The following COG7 variants were observed in gnomAD, a reference collection of about 807,000 sequenced individuals.
COG7 encodes conserved oligomeric Golgi complex subunit 7.
A neutral mutation model predicts 91.5 loss-of-function variants in COG7; 49 were observed. The ratio of observed to expected loss-of-function variants is 0.54; its 90% CI spans 0.43 to 0.68. COG7 has a LOEUF of 0.68. Among genes scored for constraint, COG7 ranks in the 30% least tolerant of loss-of-function variants. The pLI, the probability that COG7 is intolerant of heterozygous loss-of-function variation, is 0.00. For missense variants in COG7, 895 were observed against 961.3 expected (o/e 0.93, Z 0.91); for synonymous variants, 365 against 388.7 (o/e 0.94, Z 0.72).
chr16:23,437,775 A>G (rs1385863179), intron 4 of COG7, among the ~76,000 whole-genome samples: 1 of 152,206 alleles, frequency 6.6e-6, no homozygotes, highest in Non-Finnish European at 1.5e-5. Flanking sequence ...GCACTCAATA[A>G]ATTGGACTAC....
intron 4 of COG7, among the ~76,000 whole-genome samples, chr16:23,439,079 A>G (rs1301119316): frequency 1.3e-5 from 2 of 150,494 alleles, no homozygotes; most frequent in Non-Finnish European, 2.9e-5. Context: ...AATCGCTTCA[A>G]TCTGGGTGGC....
chr16:23,403,703 C>T lies in COG7; in HGVS notation c.1794G>A (p.Ser598=), dbSNP rs764536173. Residue 598 remains serine, a synonymous_variant, in exon 13 of 17, where the codon TCG becomes TCA. Coordinates refer to ENST00000307149, the MANE Select transcript of COG7 (RefSeq NM_153603.4). ...LRIKQQLLLI[S]KMDSWNTAGI... Reference sequence around the variant, plus strand: ...TCAGTGAGAAACTCACGTCCATCTTCGAAATAAGCAACAGCTGTTGTTTGA... The same window carrying T: ...TCAGTGAGAAACTCACGTCCATCTTTGAAATAAGCAACAGCTGTTGTTTGA... 1.5e-5 allele frequency: 25 copies of T among 1,613,856 alleles called. No individual in the cohort carries two copies. Among genetic ancestry groups the T allele is most frequent in the East Asian group, 1.3e-4 (6 of 44,888 alleles).
chr16:23,412,194 T>C (rs1358661287), intron 10 of COG7, among the ~76,000 whole-genome samples: 3 of 152,094 alleles, frequency 2.0e-5, no homozygotes, highest in Admixed American at 2.0e-4. Context: ...TTTTCATCTG[T>C]TGTATGGTGC....
At position 23,424,798 on chromosome 16, in the gene COG7, G is replaced by A; in HGVS notation, c.960C>T (p.Ala320=). The part of the protein sequence containing the change: ...ELTRLLEFYD[A]TAHFAKGLEM... ...CCAAGCCCTTGGCGAAGTGGGCGGTGGCGTCGTAGAACTCCAGCAGCCTGG... is the reference window on the plus strand; with the variant it reads ...CCAAGCCCTTGGCGAAGTGGGCGGTAGCGTCGTAGAACTCCAGCAGCCTGG... The change falls in exon 7 of 17, where the codon GCC becomes GCT. Residue 320 remains alanine (A), a synonymous_variant. Coordinates refer to ENST00000307149, the MANE Select transcript of COG7 (RefSeq NM_153603.4). 6.2e-7 allele frequency: 1 copy of A among 1,614,234 alleles called. No individual in the cohort carries two copies. Among genetic ancestry groups the A allele is most frequent in the Non-Finnish European group, 8.5e-7 (1 of 1,180,040 alleles).
At chr16:23,445,698 T>C in intron 2 of COG7, 115 bp downstream of exon 2, 1 of 1,044,218 alleles carries the variant, frequency 9.6e-7, no homozygotes, top group Non-Finnish European at 1.5e-6. Flanking sequence ...GGCAGAATCT[T>C]GAGTGATGGT....
rs563338370 is a variant in COG7 at position 23,442,710 on chromosome 16, A to G, written c.436-65T>C. On this transcript the variant is annotated intron_variant, in intron 3 of 16. Transcript: ENST00000307149. Reference sequence around the variant, plus strand: ...TCCCTACTGCCTCAATTGGGAATAGATAAAATACATGAAAAGGCAACTCAT... The same window carrying G: ...TCCCTACTGCCTCAATTGGGAATAGGTAAAATACATGAAAAGGCAACTCAT... The G allele has an allele frequency of 3.6e-6, 5 of 1,394,600 alleles. No homozygotes were observed. In the East Asian group the frequency reaches 9.1e-5, roughly 25 times the overall value. 86.4% of individuals were successfully genotyped at this position (1,394,600 alleles called of 1,614,324 possible).
At chr16:23,442,104 C>A (rs373908221) in intron 4 of COG7, among the ~76,000 whole-genome samples, 1 of 152,002 alleles carries the variant, frequency 6.6e-6, no homozygotes, top group Non-Finnish European at 1.5e-5. Flanking sequence ...GAGGCCGAGG[C>A]GAGGGGATCA....
chr16:23,398,932 T>C (rs1963329479), intron 13 of COG7, among the ~76,000 whole-genome samples: 1 of 152,192 alleles, frequency 6.6e-6, no homozygotes, highest in African/African-American at 2.4e-5. Flanking sequence ...CCTGTGCACA[T>C]GTGCTCACAG....
At chr16:23,452,534 A>G (rs539220122) in intron 1 of COG7, among the ~76,000 whole-genome samples, 27 of 152,294 alleles carry the variant, frequency 1.8e-4, no homozygotes, top group African/African-American at 6.3e-4. Flanking sequence ...GCCACTGTAG[A>G]GAGACCCTGT....
chr16:23,442,825 C>T (rs1173950194), intron 3 of COG7, among the ~76,000 whole-genome samples, 180 bp from the exon 4 acceptor site: 7 of 152,036 alleles, frequency 4.6e-5, no homozygotes, highest in African/African-American at 1.7e-4. Flanking sequence ...CCCTTGAAGC[C>T]AGGAGTTCAA....
chr16:23,390,804 G>A (rs577579925), intron 16 of COG7, among the ~76,000 whole-genome samples: 149 of 152,208 alleles, frequency 9.8e-4, no homozygotes, highest in Non-Finnish European at 1.8e-3. Flanking sequence ...GCTCTGTCAC[G>A]GCTGACTCAG....
chr16:23,445,400 C>A (rs1475818888), intron 2 of COG7, among the ~76,000 whole-genome samples: 1 of 152,116 alleles, frequency 6.6e-6, no homozygotes, highest in Non-Finnish European at 1.5e-5. Flanking sequence ...CGCCTGTAAT[C>A]CCAGCACTTT....
intron 12 of COG7, among the ~76,000 whole-genome samples, chr16:23,405,661 T>C (rs1270504928): frequency 6.6e-6 from 1 of 151,800 alleles, no homozygotes; most frequent in East Asian, 1.9e-4. Flanking sequence ...GGACTACAGG[T>C]GCGTGCCACC....
chr16:23,424,759 G>A lies in COG7; in HGVS notation c.999C>T (p.Leu333=), dbSNP rs767348115. The change falls in exon 7 of 17, where the codon CTC becomes CTT. Residue 333 remains leucine (L), a synonymous_variant. Coordinates refer to ENST00000307149, the MANE Select transcript of COG7 (RefSeq NM_153603.4). Reference sequence around the variant, plus strand: ...GGAAGGAATGTTTACGTAGGTGGGGGAGCAGTGCCATCTCCAAGCCCTTGG... The same window carrying A: ...GGAAGGAATGTTTACGTAGGTGGGGAAGCAGTGCCATCTCCAAGCCCTTGG... ...HFAKGLEMAL[L]PHLHEHNLVK... 13 of 1,614,068 alleles carry A rather than the reference G, an allele frequency of 8.1e-6. No individual in the cohort carries two copies. In the East Asian group the frequency reaches 1.8e-4, roughly 22 times the overall value.
chr16:23,436,919 T>G (rs1964021705), intron 4 of COG7, among the ~76,000 whole-genome samples: 1 of 152,122 alleles, frequency 6.6e-6, no homozygotes, highest in Non-Finnish European at 1.5e-5. Context: ...GTACTACATA[T>G]TTCAGAGAAT....
intron 1 of COG7, among the ~76,000 whole-genome samples, chr16:23,451,830 CT>C (rs1964270900): frequency 6.6e-6 from 1 of 151,448 alleles, no homozygotes. Flanking sequence ...CTGTGTCATT[CT>C]CTTATACCTA....
At chr16:23,445,990 C>T (rs779442772) in intron 1 of COG7, 29 bp from the exon 2 acceptor site, 2 of 1,527,548 alleles carry the variant, frequency 1.3e-6, no homozygotes, top group Non-Finnish European at 1.8e-6. Context: ...AAAAAAACAA[C>T]AACAACAGCG....
chr16:23,391,324 G>T (rs1453410177), intron 16 of COG7, among the ~76,000 whole-genome samples: 1 of 152,188 alleles, frequency 6.6e-6, no homozygotes, highest in Non-Finnish European at 1.5e-5. Context: ...TCTTCCCCCT[G>T]CTGCTGCTTG....
Position 23,413,569 on chromosome 16 carries a change from C to G in COG7, c.1293-5G>C. 6.6e-7 allele frequency: 1 copy of G among 1,521,804 alleles called. No homozygotes were observed. Among genetic ancestry groups the G allele is most frequent in the Non-Finnish European group, 9.1e-7 (1 of 1,095,884 alleles). 94.3% of individuals were successfully genotyped at this position (1,521,804 alleles called of 1,614,324 possible). A position where few individuals can be genotyped will look rare whatever the true frequency, so the allele number is the denominator to read the frequency against. ...CTGGTGAAATCAGACACATACCTGCCGGGAAAGGGAAGAAAATGGTAGGGA... is the reference window on the plus strand; with the variant it reads ...CTGGTGAAATCAGACACATACCTGCGGGGAAAGGGAAGAAAATGGTAGGGA... On this transcript the variant is annotated splice_polypyrimidine_tract_variant and splice_region_variant and intron_variant, in intron 9 of 16. Coordinates refer to ENST00000307149, the MANE Select transcript of COG7 (RefSeq NM_153603.4).
Sources: allele counts gnomAD v4.1 joint callset (sites outside exome capture counted in the v4.1 genomes callset), GRCh38; gene constraint gnomAD v4.1.1; transcripts MANE v1.5; gene names NCBI Gene and HGNC (gene_info 2026-07-23, HGNC 2026-07-21).